EIF3M: variants seen among roughly 807,000 people sequenced by gnomAD.
EIF3M encodes the protein B5 receptor.
EIF3M carries 25 observed loss-of-function variants against 49.7 expected under a neutral mutation model. That is an observed-to-expected ratio of 0.50 (90% confidence interval 0.37 to 0.70). The LOEUF (loss-of-function observed/expected upper bound fraction) is 0.70, where lower values mean the gene tolerates loss of function less well. Among genes scored for constraint, EIF3M ranks in the 30% least tolerant of loss-of-function variants. The pLI is 0.00. For missense variants in EIF3M, 350 were observed against 440.0 expected (o/e 0.80, Z 1.83); for synonymous variants, 156 against 149.8 (o/e 1.04, Z -0.30).
At chr11:32,588,321 G>A (rs571330783) in intron 2 of EIF3M, among the ~76,000 whole-genome samples, 116 of 150,678 alleles carry the variant, frequency 7.7e-4, no homozygotes, top group African/African-American at 2.6e-3. Flanking sequence ...CCTGGGAGGC[G>A]GAGGTTGCAG....
intron 2 of EIF3M, among the ~76,000 whole-genome samples, chr11:32,588,386 CT>C (rs1855034947): frequency 1.1e-5 from 1 of 89,830 alleles, no homozygotes; most frequent in Admixed American, 1.4e-4. Flanking sequence ...AAGACTTCAT[CT>C]GAAAAAAAAA....
rs954973829 is a variant in EIF3M at position 32,599,500 on chromosome 11, A to C, written c.800-1189A>C. On this transcript the variant is annotated intron_variant, in intron 8 of 10. Transcript: ENST00000531120. ...CTTCCACTAATATATGAATGTTATA[A>C]ATTTAAAATTTATTTATGGAGTGTT... is the stretch of plus-strand genomic sequence containing the variant. Among the ~76,000 whole-genome samples the C allele has an allele frequency of 2.0e-5, 3 of 151,926 alleles. No homozygotes were observed. In the South Asian group the frequency reaches 6.2e-4, roughly 31 times the overall value.
intron 9 of EIF3M, 106 bp downstream of exon 9, chr11:32,600,938 G>A (rs1457322320): frequency 3.6e-5 from 51 of 1,406,374 alleles, no homozygotes; most frequent in Non-Finnish European, 4.8e-5. Context: ...ACAAAGATTT[G>A]TTTATAGCAG....
intron 1 of EIF3M, 113 bp downstream of exon 1, chr11:32,584,042 T>C: frequency 7.2e-7 from 1 of 1,396,428 alleles, no homozygotes; most frequent in Non-Finnish European, 9.8e-7. Context: ...GCAGCTGTTC[T>C]ACACGCGAGA....
intron 1 of EIF3M, among the ~76,000 whole-genome samples, chr11:32,586,178 G>A (rs1046550270): frequency 5.3e-5 from 8 of 152,118 alleles, no homozygotes; most frequent in African/African-American, 1.9e-4. Flanking sequence ...GCAGTGAGCC[G>A]GGATCGCTCC....
At position 32,588,794 on chromosome 11, in the gene EIF3M, T is replaced by G; in HGVS notation, c.314+62T>G. ...GTGCTTTTTTCATGTTACTAACTTT[T>G]AATGGTGCAGAGCAGGAATTCTGGA... On this transcript the variant is annotated intron_variant, in intron 3 of 10. Transcript: ENST00000531120. The G allele has an allele frequency of 2.5e-6, 4 of 1,607,180 alleles. No homozygotes were observed. In the South Asian group the frequency reaches 4.4e-5, roughly 18 times the overall value.
chr11:32,591,064 T>C (rs934658367), intron 5 of EIF3M, among the ~76,000 whole-genome samples: 2 of 152,192 alleles, frequency 1.3e-5, no homozygotes, highest in African/African-American at 4.8e-5. Context: ...TTAGTCAGGA[T>C]GGTCTTGATC....
intron 2 of EIF3M, 75 bp downstream of exon 2, chr11:32,587,219 C>T: frequency 2.9e-6 from 4 of 1,403,318 alleles, no homozygotes; most frequent in Non-Finnish European, 3.8e-6. Flanking sequence ...AGAGTCGTCC[C>T]TCATTATCTG....
At position 32,592,503 on chromosome 11, in the gene EIF3M, T is replaced by G. The variant is rs1590519924; in HGVS notation, c.534-1363T>G. The G allele has an allele frequency of 9.5e-6, 5 of 523,658 alleles. No homozygotes were observed. In the Admixed American group the frequency reaches 1.1e-4, roughly 11 times the overall value. The allele number at this position is 523,658 out of a possible 1,614,324, so 32.4% of individuals were successfully genotyped here. On this transcript the variant is annotated intron_variant, in intron 5 of 10. Transcript: ENST00000531120. ...GCACTGGGCTTTACAGAACTCTCTC[T>G]AGAAACAGCTGTCTTTGGTTCCATT...
Position 32,606,016 on chromosome 11 carries a change from A to AT in EIF3M, c.*3617_*3618insT, listed in dbSNP as rs1855346767. ...ATGAATCTAATTCATTGGATATATA[A>AT]AAAAAAAAGTAAGTGGCTTGCTTTG... On this transcript the variant is annotated 3_prime_UTR_variant, in exon 11 of 11. Coordinates refer to ENST00000531120, the MANE Select transcript of EIF3M (RefSeq NM_006360.6). 1 of 151,568 alleles carries AT rather than the reference A, an allele frequency of 6.6e-6. No individual in the cohort carries two copies. The highest frequency in any genetic ancestry group is 2.1e-4 in the South Asian group (1 of 4,806). The allele number at this position is 151,568 out of a possible 1,614,324, so 9.4% of individuals were successfully genotyped here.
At chr11:32,588,967 G>A (rs1251400712) in intron 3 of EIF3M, 45 bp from the exon 4 acceptor site, 5 of 1,606,906 alleles carry the variant, frequency 3.1e-6, no homozygotes, top group East Asian at 2.2e-5. Context: ...ACTTAAAACT[G>A]GTTGCTGATT....
intron 10 of EIF3M, 162 bp downstream of exon 10, chr11:32,601,984 C>A: frequency 1.1e-6 from 1 of 873,324 alleles, no homozygotes; most frequent in Non-Finnish European, 1.8e-6. Flanking sequence ...ATGTGATTAG[C>A]TTATTTAATG....
Position 32,594,977 on chromosome 11 carries a change from A to T in EIF3M, c.681A>T (p.Lys227Asn), listed in dbSNP as rs758639052. The T allele has an allele frequency of 6.2e-7, 1 of 1,613,702 alleles. No homozygotes were observed. Among genetic ancestry groups the T allele is most frequent in the Non-Finnish European group, 8.5e-7 (1 of 1,179,832 alleles). ...AFLFDHLLTL[K>N]PVKFLEGELI... ...TTTTTGACCACCTTCTTACTTTAAAACCAGTCAAGTTTTTGGAAGGCGAGC... is the reference window on the plus strand; with the variant it reads ...TTTTTGACCACCTTCTTACTTTAAATCCAGTCAAGTTTTTGGAAGGCGAGC... Residue 227 changes from lysine (K) to asparagine (N), a missense_variant, in exon 7 of 11, where the codon AAA becomes AAT. Transcript: ENST00000531120.
At chr11:32,588,552 ATTG>A (rs781069978) in intron 2 of EIF3M, 39 bp from the exon 3 acceptor site, 1 of 1,603,002 alleles carries the variant, frequency 6.2e-7, no homozygotes, top group South Asian at 1.1e-5. Flanking sequence ...CGCATTGAGT[ATTG>A]TAGTATCACT....
chr11:32,592,842 A>G (rs1333194330), intron 5 of EIF3M: 1 of 342,850 alleles, frequency 2.9e-6, no homozygotes, highest in Non-Finnish European at 5.6e-6. Flanking sequence ...ACTGGAGTAC[A>G]GTGGGTATTT....
chr11:32,602,840 T>C lies in EIF3M; in HGVS notation c.*441T>C. ...TTTAATCTGTTGTTTTTTTCCAACG[T>C]CTCTTCTGCTTTTCTTTTCTTTGGC... is the stretch of plus-strand genomic sequence containing the variant. On this transcript the variant is annotated 3_prime_UTR_variant, in exon 11 of 11. Transcript: ENST00000531120. 6.2e-7 allele frequency: 1 copy of C among 1,604,664 alleles called. No homozygotes were observed. Among genetic ancestry groups the C allele is most frequent in the Non-Finnish European group, 8.5e-7 (1 of 1,176,298 alleles).
intron 5 of EIF3M, among the ~76,000 whole-genome samples, chr11:32,590,869 G>A (rs1476477898): frequency 6.7e-6 from 1 of 150,004 alleles, no homozygotes; most frequent in Non-Finnish European, 1.5e-5. Flanking sequence ...TTTTTTATTT[G>A]AGATGGAGTC....
intron 5 of EIF3M, 65 bp from the exon 6 acceptor site, chr11:32,593,801 A>C: frequency 8.7e-7 from 1 of 1,147,352 alleles, no homozygotes; most frequent in East Asian, 2.6e-5. Context: ...CTGCCTCTTA[A>C]AAATATTTTA....
rs1349186632 is a variant in EIF3M, at chr11:32,603,129, C to CTGAT, written c.*732_*735dup. 4 of 786,480 alleles carry CTGAT rather than the reference C, an allele frequency of 5.1e-6. No individual in the cohort carries two copies. 48.7% of individuals were successfully genotyped at this position (786,480 alleles called of 1,614,324 possible). A position where few individuals can be genotyped will look rare whatever the true frequency, so the allele number is the denominator to read the frequency against. ...ATGTGGTAAAACCACCATCTCTTGG[C>CTGAT]TGATTTCCACTACCTTAGTAGTTCT... On this transcript the variant is annotated 3_prime_UTR_variant, in exon 11 of 11. Transcript: ENST00000531120.
Sources: allele counts gnomAD v4.1 joint callset (sites outside exome capture counted in the v4.1 genomes callset), GRCh38; gene constraint gnomAD v4.1.1; transcripts MANE v1.5; gene names NCBI Gene and HGNC (gene_info 2026-07-23, HGNC 2026-07-21).